The following PDE1C variants were observed in gnomAD, a reference collection of about 807,000 sequenced individuals.
The protein encoded by PDE1C is dual specificity calcium/calmodulin-dependent 3',5'-cyclic nucleotide phosphodiesterase 1C.
A neutral mutation model predicts 93.1 loss-of-function variants in PDE1C; 62 were observed. The ratio of observed to expected loss-of-function variants is 0.67; its 90% CI spans 0.54 to 0.82. The LOEUF (loss-of-function observed/expected upper bound fraction) is 0.82. Among genes scored for constraint, PDE1C ranks in the 40% least tolerant of loss-of-function variants. PDE1C has a pLI of 0.00. For synonymous variants in PDE1C, 325 were observed against 310.1 expected (o/e 1.05, Z -0.50); for missense variants, 742 against 884.6 (o/e 0.84, Z 2.04).
intron 1 of PDE1C, among the ~76,000 whole-genome samples, chr7:32,218,489 A>G (rs1806595804): frequency 6.6e-6 from 1 of 152,230 alleles, no homozygotes. Flanking sequence ...CGTGCAGCCC[A>G]GGGTATCACA....
chr7:31,809,008 T>G, intron 16 of PDE1C, 23 bp downstream of exon 16: 2 of 1,365,896 alleles, frequency 1.5e-6, no homozygotes, highest in Non-Finnish European at 2.1e-6. Context: ...TATGGAAAAA[T>G]GTAATGAGAA....
the PDE1C span, among the ~76,000 whole-genome samples, chr7:31,735,087 A>C: frequency 2.0e-4 from 30 of 152,268 alleles, no homozygotes; most frequent in Non-Finnish European, 3.8e-4. Flanking sequence ...ATTTGTAAGC[A>C]CTTGATTAAT....
intron 16 of PDE1C, among the ~76,000 whole-genome samples, chr7:31,797,403 C>A (rs980338872): frequency 7.3e-5 from 11 of 151,602 alleles, no homozygotes; most frequent in Non-Finnish European, 1.6e-4. Flanking sequence ...AAGTTTAAAA[C>A]CTAAAGGATG....
chr7:32,048,377 A>C (rs1792882953), intron 2 of PDE1C, among the ~76,000 whole-genome samples: 1 of 152,102 alleles, frequency 6.6e-6, no homozygotes, highest in Non-Finnish European at 1.5e-5. Context: ...AGCAGCTTTT[A>C]ATTCCTGTCT....
At chr7:32,189,710 C>A (rs138893435) in intron 2 of PDE1C, among the ~76,000 whole-genome samples, 4 of 152,190 alleles carry the variant, frequency 2.6e-5, no homozygotes, top group Non-Finnish European at 5.9e-5. Context: ...AAAATAAAAG[C>A]GTTTGAAAGT....
intron 16 of PDE1C, chr7:31,786,335 GTTT>G (rs1445495999): frequency 6.6e-6 from 1 of 151,168 alleles, no homozygotes; most frequent in African/African-American, 2.4e-5. Context: ...CCATAGAGAA[GTTT>G]TTATTTTATT....
the PDE1C span, chr7:31,651,214 CA>C: frequency 6.2e-7 from 1 of 1,613,630 alleles, no homozygotes; most frequent in Non-Finnish European, 8.5e-7. Context: ...AGAAATTGAA[CA>C]GCACCTTATG....
chr7:32,269,705 C>T (rs986816213), intron 1 of PDE1C, among the ~76,000 whole-genome samples: 3 of 152,284 alleles, frequency 2.0e-5, no homozygotes, highest in Non-Finnish European at 2.9e-5. Context: ...GTCTCAAACT[C>T]CTGGCCTCAT....
intron 9 of PDE1C, among the ~76,000 whole-genome samples, chr7:31,847,421 C>T (rs1792776427): frequency 6.6e-6 from 1 of 151,832 alleles, no homozygotes; most frequent in African/African-American, 2.4e-5. Context: ...CAATAATTTC[C>T]TTAGAAAATG....
downstream of PDE1C, among the ~76,000 whole-genome samples, chr7:31,748,865 A>C (rs1794059534): frequency 6.6e-6 from 1 of 152,260 alleles, no homozygotes; most frequent in Admixed American, 6.5e-5. Context: ...TTGTTCCAAC[A>C]GAGATTTCTT....
chr7:32,332,007 G>A (rs890642168), intron 1 of PDE1C, among the ~76,000 whole-genome samples: 19 of 152,164 alleles, frequency 1.2e-4, no homozygotes, highest in African/African-American at 4.6e-4. Context: ...TCCCTACACA[G>A]TGTATATCAA....
intron 1 of PDE1C, among the ~76,000 whole-genome samples, chr7:32,056,845 A>G (rs1352416861): frequency 6.6e-6 from 1 of 152,204 alleles, no homozygotes; most frequent in Non-Finnish European, 1.5e-5. Flanking sequence ...GATACTCCCA[A>G]TTTTCCTTAT....
chr7:32,049,583 A>C (rs144232152), intron 2 of PDE1C, among the ~76,000 whole-genome samples: 114 of 152,308 alleles, frequency 7.5e-4, no homozygotes, highest in African/African-American at 2.6e-3. Flanking sequence ...ACCATGCAAC[A>C]CAGGAATCTC....
At chr7:31,882,283 C>T (rs537128061) in intron 2 of PDE1C, among the ~76,000 whole-genome samples, 1 of 152,260 alleles carries the variant, frequency 6.6e-6, no homozygotes, top group East Asian at 1.9e-4. Flanking sequence ...GAAGGTCAGC[C>T]TTGGCAATGC....
intron 7 of PDE1C, among the ~76,000 whole-genome samples, chr7:31,858,740 C>T (rs1429013635): frequency 6.6e-6 from 1 of 152,010 alleles, no homozygotes; most frequent in Non-Finnish European, 1.5e-5. Context: ...TAATAACTAT[C>T]ATTTACTAAT....
At chr7:32,042,103 C>G (rs1791899953) in intron 2 of PDE1C, among the ~76,000 whole-genome samples, 1 of 152,138 alleles carries the variant, frequency 6.6e-6, no homozygotes, top group African/African-American at 2.4e-5. Flanking sequence ...AGTTTGAGAC[C>G]AGCCTGGCCA....
At chr7:32,017,881 C>G (rs1012286786) in intron 2 of PDE1C, among the ~76,000 whole-genome samples, 4 of 150,656 alleles carry the variant, frequency 2.7e-5, no homozygotes, top group Non-Finnish European at 5.9e-5. Flanking sequence ...GAGTTTGAAA[C>G]CAGCCTGGGC....
At chr7:31,867,222 AC>A (rs1389684214) in intron 6 of PDE1C, among the ~76,000 whole-genome samples, 2 of 151,154 alleles carry the variant, frequency 1.3e-5, no homozygotes, top group African/African-American at 4.9e-5. Context: ...TAAGGACAAA[AC>A]CCCCCACCTG....
chr7:31,643,583 C>G, the PDE1C span: 2 of 1,614,018 alleles, frequency 1.2e-6, no homozygotes, highest in Non-Finnish European at 8.5e-7. Flanking sequence ...TTAGAATGCA[C>G]TGTGTGTGAT....
Sources: allele counts gnomAD v4.1 joint callset (sites outside exome capture counted in the v4.1 genomes callset), GRCh38; gene constraint gnomAD v4.1.1; transcripts MANE v1.5; gene names NCBI Gene and HGNC (gene_info 2026-07-23, HGNC 2026-07-21).